ABCC12: variants seen among roughly 807,000 people sequenced by gnomAD.
The protein encoded by ABCC12 is ATP binding cassette subfamily C member 12, also known as ATP-binding cassette sub-family C member 12.
A neutral mutation model predicts 151.1 loss-of-function variants in ABCC12; 142 were observed. That is an observed-to-expected ratio of 0.94 (90% CI 0.82 to 1.08). ABCC12 has a LOEUF of 1.08. Ranked by LOEUF, ABCC12 falls within the 50% of genes least tolerant of loss-of-function variation. The pLI, the probability that ABCC12 is intolerant of heterozygous loss-of-function variation, is 0.00. For synonymous variants in ABCC12, 645 were observed against 646.4 expected (o/e 1.00, Z 0.03); for missense variants, 1,638 against 1,691.1 (o/e 0.97, Z 0.55).
chr16:48,096,817 A>G lies in ABCC12; in HGVS notation c.3124T>C (p.Leu1042=). 6.2e-7 allele frequency: 1 copy of G among 1,614,156 alleles called. No individual in the cohort carries two copies. Among genetic ancestry groups the G allele is most frequent in the Non-Finnish European group, 8.5e-7 (1 of 1,180,016 alleles). The change falls in exon 24 of 31, where the codon TTG becomes CTG. Residue 1042 remains leucine, a synonymous_variant. Transcript: ENST00000311303. ...LMNILTFTVA[L]LVTLSFSSIS... ...GAGGAGAAACTCAGGGTCACCAACA[A>G]GGCCACAGTGAAGGTAAGGATGTTC...
chr16:48,120,166 T>G (rs540444121), intron 13 of ABCC12, among the ~76,000 whole-genome samples: 1 of 152,212 alleles, frequency 6.6e-6, no homozygotes, highest in Non-Finnish European at 1.5e-5. Context: ...CAAAATCATG[T>G]AGCAACATGA....
chr16:48,105,482 G>C (rs1263691220), intron 20 of ABCC12, 146 bp from the exon 21 acceptor site: 1 of 844,320 alleles, frequency 1.2e-6, no homozygotes, highest in Non-Finnish European at 1.8e-6. Context: ...AATCTAGTCT[G>C]TTCCCTTCTG....
intron 2 of ABCC12, among the ~76,000 whole-genome samples, chr16:48,153,232 G>A (rs1289248851): frequency 6.6e-6 from 1 of 152,168 alleles, no homozygotes; most frequent in African/African-American, 2.4e-5. Flanking sequence ...TGATATTAAT[G>A]CTAAAGTAAA....
chr16:48,114,651 C>T (rs1963813603), intron 15 of ABCC12, among the ~76,000 whole-genome samples: 1 of 152,180 alleles, frequency 6.6e-6, no homozygotes. Context: ...GCCCCCCCTT[C>T]CCCCACACAT....
chr16:48,108,570 G>A (rs1003073117), intron 18 of ABCC12, 41 bp from the exon 19 acceptor site: 1 of 1,581,730 alleles, frequency 6.3e-7, no homozygotes. Context: ...TCACCACTGG[G>A]GTGGGGGCCC....
chr16:48,146,854 CAT>C (rs1225097170), intron 2 of ABCC12: 2 of 208,764 alleles, frequency 9.6e-6, no homozygotes, highest in Admixed American at 5.3e-5. Context: ...CACACACACA[CAT>C]GCACATGCAC....
chr16:48,136,760 C>T (rs999552804), intron 8 of ABCC12, among the ~76,000 whole-genome samples: 8 of 152,080 alleles, frequency 5.3e-5, no homozygotes, highest in East Asian at 1.9e-4. Context: ...CCAGCAGGAG[C>T]GCACTCCAGG....
chr16:48,122,757 T>C (rs905420752), intron 12 of ABCC12, among the ~76,000 whole-genome samples: 1 of 152,242 alleles, frequency 6.6e-6, no homozygotes, highest in African/African-American at 2.4e-5. Context: ...TGTAGTATTT[T>C]TAATGTGTAG....
intron 8 of ABCC12, among the ~76,000 whole-genome samples, chr16:48,134,414 C>T (rs1170832429): frequency 1.3e-5 from 2 of 152,216 alleles, no homozygotes; most frequent in African/African-American, 4.8e-5. Context: ...CCTGAAACAA[C>T]AGCCAAGGAA....
intron 9 of ABCC12, 46 bp from the exon 10 acceptor site, chr16:48,130,941 G>A (rs750766353): frequency 1.8e-5 from 26 of 1,408,922 alleles, no homozygotes; most frequent in Admixed American, 8.6e-5. Context: ...GAGAAGTCAC[G>A]TTGGCTCTAA....
chr16:48,128,712 G>A lies in ABCC12; in HGVS notation c.1262C>T (p.Pro421Leu). The A allele has an allele frequency of 6.2e-7, 1 of 1,613,502 alleles. No individual in the cohort carries two copies. Among genetic ancestry groups the A allele is most frequent in the Non-Finnish European group, 8.5e-7 (1 of 1,179,920 alleles). ...MKKILIDKSP[P>L]SYITQPEDPD... is the part of the protein sequence containing the mutation. ...GTCTTCTGGTTGGGTGATGTAAGATGGGGGGCTTTTATCTATGAGAATTTT... is the reference window on the plus strand; with the variant it reads ...GTCTTCTGGTTGGGTGATGTAAGATAGGGGGCTTTTATCTATGAGAATTTT... The change falls in exon 11 of 31, where the codon CCA (proline) becomes CTA (leucine). Residue 421 changes from proline (P) to leucine (L), a missense_variant. Transcript: ENST00000311303.
intron 2 of ABCC12, among the ~76,000 whole-genome samples, chr16:48,153,273 G>A (rs1249799765): frequency 6.6e-6 from 1 of 152,216 alleles, no homozygotes; most frequent in Non-Finnish European, 1.5e-5. Context: ...AAATCTCAGT[G>A]AAGGGTAGTT....
intron 20 of ABCC12, among the ~76,000 whole-genome samples, chr16:48,105,567 A>G (rs1423422096): frequency 6.6e-6 from 1 of 152,204 alleles, no homozygotes; most frequent in Non-Finnish European, 1.5e-5. Context: ...TGAGCTCAGC[A>G]CAGTGGGAAA....
chr16:48,120,737 G>C (rs533610949), intron 13 of ABCC12, among the ~76,000 whole-genome samples: 57 of 152,028 alleles, frequency 3.7e-4, no homozygotes, highest in African/African-American at 1.2e-3. Flanking sequence ...TGTATTTTTA[G>C]TAGAGACAGG....
chr16:48,143,812 A>C, intron 4 of ABCC12, 98 bp downstream of exon 4: 1 of 1,458,544 alleles, frequency 6.9e-7, no homozygotes, highest in South Asian at 1.4e-5. Context: ...CTGTGAGTCC[A>C]TTAAACCTCT....
At chr16:48,096,157 G>A (rs1463567110) in intron 24 of ABCC12, among the ~76,000 whole-genome samples, 1 of 151,656 alleles carries the variant, frequency 6.6e-6, no homozygotes, top group Non-Finnish European at 1.5e-5. Context: ...TTATTCAAAA[G>A]AAAAAAAAGC....
At chr16:48,152,622 C>T (rs1387604814) in intron 2 of ABCC12, among the ~76,000 whole-genome samples, 1 of 152,246 alleles carries the variant, frequency 6.6e-6, no homozygotes, top group Admixed American at 6.5e-5. Flanking sequence ...GAATCCAAGA[C>T]ATGGCAAACC....
intron 23 of ABCC12, among the ~76,000 whole-genome samples, chr16:48,099,962 C>CTT (rs113463953): frequency 9.2e-5 from 13 of 141,742 alleles, no homozygotes; most frequent in Admixed American, 1.4e-4. Flanking sequence ...TATCCTTTTT[C>CTT]TTTTTTTTTT....
Position 48,105,186 on chromosome 16 carries a change from T to C in ABCC12, c.2626A>G (p.Thr876Ala). 1 of 1,614,068 alleles carries C rather than the reference T, an allele frequency of 6.2e-7. No individual in the cohort carries two copies. Among genetic ancestry groups the C allele is most frequent in the Non-Finnish European group, 8.5e-7 (1 of 1,180,010 alleles). ...AGAGAGGAGGATGCCATCAGTGTGGTCTTGGTGAAGACGAAGCCTTTGGTG... is the reference window on the plus strand; with the variant it reads ...AGAGAGGAGGATGCCATCAGTGTGGCCTTGGTGAAGACGAAGCCTTTGGTG... ...GVTKGFVFTK[T>A]TLMASSSLHD... The change falls in exon 21 of 31, where the codon ACC becomes GCC. Residue 876 changes from threonine to alanine, a missense_variant. By Grantham distance (58) the Thr-to-Ala change is moderately conservative (BLOSUM62 0). Transcript: ENST00000311303.
Sources: gnomAD v4.1 joint callset for allele counts (sites outside exome capture counted in the v4.1 genomes callset) on GRCh38, gnomAD v4.1.1 for gene constraint, MANE v1.5 for transcripts, NCBI Gene and HGNC (gene_info 2026-07-23, HGNC 2026-07-21) for gene names.